SUGCT: variants seen among roughly 807,000 people sequenced by gnomAD.
SUGCT encodes the protein succinyl-CoA:glutarate-CoA transferase.
A neutral mutation model predicts 55.0 loss-of-function variants in SUGCT; 41 were observed. The ratio of observed to expected loss-of-function variants is 0.74; its 90% CI spans 0.58 to 0.97. The LOEUF (loss-of-function observed/expected upper bound fraction) is 0.97. Ranked by LOEUF, SUGCT falls within the 50% of genes least tolerant of loss-of-function variation. The probability of loss-of-function intolerance (pLI) is 0.00; values close to 1 mark genes in which losing one functional copy is unlikely to be tolerated. For synonymous variants in SUGCT, 187 were observed against 200.4 expected (o/e 0.93, Z 0.56); for missense variants, 568 against 547.8 (o/e 1.04, Z -0.37).
At chr7:40,757,948 TA>T (rs1468020233) in intron 13 of SUGCT, among the ~76,000 whole-genome samples, 3 of 152,212 alleles carry the variant, frequency 2.0e-5, no homozygotes, top group Non-Finnish European at 4.4e-5. Flanking sequence ...ATTTAGGGAA[TA>T]AATTAATCAA....
chr7:40,607,201 T>C (rs1798572338), intron 12 of SUGCT, among the ~76,000 whole-genome samples: 1 of 151,802 alleles, frequency 6.6e-6, no homozygotes, highest in Non-Finnish European at 1.5e-5. Flanking sequence ...ACCTCTGGGC[T>C]CAAGTTATCC....
intron 11 of SUGCT, among the ~76,000 whole-genome samples, chr7:40,474,311 G>C (rs551163327): frequency 1.1e-4 from 16 of 152,034 alleles, no homozygotes; most frequent in Non-Finnish European, 1.6e-4. Context: ...TTGAGTGTGG[G>C]GGGCAGAGGG....
At chr7:40,787,272 C>T (rs911058314) in intron 13 of SUGCT, among the ~76,000 whole-genome samples, 5 of 152,072 alleles carry the variant, frequency 3.3e-5, no homozygotes, top group Non-Finnish European at 7.4e-5. Flanking sequence ...GCTTCAGGGC[C>T]AATATCCCAA....
chr7:40,989,891 C>G, the SUGCT span, among the ~76,000 whole-genome samples: 1 of 152,210 alleles, frequency 6.6e-6, no homozygotes, highest in Admixed American at 6.5e-5. Context: ...CTTGCTATTT[C>G]TACCACATCC....
intron 1 of SUGCT, among the ~76,000 whole-genome samples, chr7:40,137,135 T>C (rs1368853620): frequency 6.6e-6 from 1 of 151,986 alleles, no homozygotes; most frequent in African/African-American, 2.4e-5. Flanking sequence ...TTTATTATTA[T>C]TATTATGGAC....
intron 9 of SUGCT, among the ~76,000 whole-genome samples, chr7:40,444,126 C>A: frequency 6.6e-6 from 1 of 152,136 alleles, no homozygotes; most frequent in Non-Finnish European, 1.5e-5. Flanking sequence ...GTTACTGTAG[C>A]CTTGTAGTGT....
At chr7:40,874,626 G>A in the SUGCT span, among the ~76,000 whole-genome samples, 1 of 152,124 alleles carries the variant, frequency 6.6e-6, no homozygotes, top group African/African-American at 2.4e-5. Context: ...GTAAGAATTT[G>A]TGATATACAA....
At chr7:40,623,494 C>G (rs1228882487) in intron 12 of SUGCT, among the ~76,000 whole-genome samples, 1 of 152,064 alleles carries the variant, frequency 6.6e-6, no homozygotes, top group African/African-American at 2.4e-5. Context: ...TTTTATGAGC[C>G]TCCACAAATC....
intron 12 of SUGCT, among the ~76,000 whole-genome samples, chr7:40,607,753 C>T (rs1214795364): frequency 6.6e-6 from 1 of 152,062 alleles, no homozygotes; most frequent in Non-Finnish European, 1.5e-5. Context: ...TTGCATACAC[C>T]ATCTCATTTA....
At chr7:40,814,145 C>T (rs1377517266) in intron 13 of SUGCT, among the ~76,000 whole-genome samples, 2 of 152,020 alleles carry the variant, frequency 1.3e-5, no homozygotes, top group Non-Finnish European at 2.9e-5. Flanking sequence ...TCTTTAGTGT[C>T]GACCTCGGAT....
At chr7:40,637,850 A>T (rs1236320602) in intron 12 of SUGCT, among the ~76,000 whole-genome samples, 2 of 152,252 alleles carry the variant, frequency 1.3e-5, no homozygotes, top group East Asian at 3.8e-4. Flanking sequence ...TTTAGAAGGC[A>T]TAACGTTTCT....
At chr7:40,951,121 T>A in the SUGCT span, among the ~76,000 whole-genome samples, 2 of 152,186 alleles carry the variant, frequency 1.3e-5, no homozygotes, top group African/African-American at 4.8e-5. Flanking sequence ...CTATTAATTA[T>A]TGCCTCAATT....
At chr7:40,286,333 GC>G (rs1323808858) in intron 8 of SUGCT, among the ~76,000 whole-genome samples, 3 of 152,148 alleles carry the variant, frequency 2.0e-5, no homozygotes, top group African/African-American at 4.8e-5. Flanking sequence ...GAAGGAGCCC[GC>G]CACAGGACTA....
At chr7:40,904,732 C>T in the SUGCT span, among the ~76,000 whole-genome samples, 1 of 152,086 alleles carries the variant, frequency 6.6e-6, no homozygotes, top group Non-Finnish European at 1.5e-5. Flanking sequence ...AAGCTGAAGA[C>T]ATATATTATT....
chr7:40,475,379 C>T (rs1239310892), intron 11 of SUGCT, among the ~76,000 whole-genome samples: 1 of 152,164 alleles, frequency 6.6e-6, no homozygotes, highest in Non-Finnish European at 1.5e-5. Flanking sequence ...ATTATGCAAA[C>T]TGCATTTCTC....
chr7:40,864,375 C>A (rs1212229844), downstream of SUGCT, among the ~76,000 whole-genome samples: 1 of 152,186 alleles, frequency 6.6e-6, no homozygotes, highest in Non-Finnish European at 1.5e-5. Flanking sequence ...TGGTCTCGAA[C>A]TCCTGACCTC....
intron 7 of SUGCT, among the ~76,000 whole-genome samples, chr7:40,268,880 G>A (rs1424509521): frequency 2.6e-5 from 4 of 152,038 alleles, no homozygotes; most frequent in Admixed American, 2.0e-4. Flanking sequence ...CTCGTGATCC[G>A]CCCGCCTCAG....
rs186134773 is a variant in SUGCT at position 40,322,071 on chromosome 7, T to G, written c.816+5216T>G. Among the ~76,000 whole-genome samples the G allele has an allele frequency of 9.2e-5, 14 of 152,332 alleles. No individual in the cohort carries two copies. The East Asian group carries it at 2.7e-3, about 29-fold the overall frequency. ...ACCAACAGGCTATAAGCATTCTCTT[T>G]TCTCCATGTCCTCACCATCTGTTCT... is the stretch of plus-strand genomic sequence containing the variant. On this transcript the variant is annotated intron_variant, in intron 9 of 13. Transcript: ENST00000335693.
chr7:40,144,190 G>A (rs777215518), intron 1 of SUGCT, among the ~76,000 whole-genome samples: 6 of 152,158 alleles, frequency 3.9e-5, no homozygotes, highest in Non-Finnish European at 8.8e-5. Flanking sequence ...GAGGGAGAGA[G>A]GTACTTTTCT....
Sources: allele counts gnomAD v4.1 joint callset (sites outside exome capture counted in the v4.1 genomes callset), GRCh38; gene constraint gnomAD v4.1.1; transcripts MANE v1.5; gene names NCBI Gene and HGNC (gene_info 2026-07-23, HGNC 2026-07-21).